AGO3: variants seen among roughly 807,000 people sequenced by gnomAD.
The protein encoded by AGO3 is argonaute RISC catalytic component 3, also known as protein argonaute-3.
A neutral mutation model predicts 105.5 loss-of-function variants in AGO3; 16 were observed. The observed-to-expected ratio is 0.15, with a 90% CI of 0.10 to 0.23. The LOEUF is 0.23. AGO3 is among the 10% of genes least tolerant of loss of function. AGO3 has a pLI of 1.00. For missense variants in AGO3, 534 were observed against 1,088.0 expected, an observed-to-expected ratio of 0.49 and a Z score of 7.16; for synonymous variants, 340 against 367.3, an observed-to-expected ratio of 0.93 and a Z score of 0.85.
At chr1:35,958,323 G>T (rs777688516) in intron 2 of AGO3, among the ~76,000 whole-genome samples, 2 of 151,686 alleles carry the variant, frequency 1.3e-5, no homozygotes, top group Non-Finnish European at 2.9e-5. Flanking sequence ...GGAGGTTGCA[G>T]TGAGCCGAGA....
At chr1:36,030,108 A>C (rs1641703627) in intron 12 of AGO3, among the ~76,000 whole-genome samples, 1 of 152,228 alleles carries the variant, frequency 6.6e-6, no homozygotes, top group Non-Finnish European at 1.5e-5. Context: ...AGTTAAATAA[A>C]AACCTTCTTT....
intron 6 of AGO3, among the ~76,000 whole-genome samples, chr1:36,007,571 C>T (rs1163697228): frequency 6.6e-6 from 1 of 150,860 alleles, no homozygotes; most frequent in South Asian, 2.1e-4. Flanking sequence ...GTGGCGGGTA[C>T]TGTAATCCCA....
Position 36,004,373 on chromosome 1 carries a change from G to T in AGO3, c.691G>T (p.Val231Leu). The T allele has an allele frequency of 1.2e-6, 2 of 1,609,458 alleles. No homozygotes were observed. The highest frequency in any genetic ancestry group is 2.2e-5 in the South Asian group (2 of 90,422). The change falls in exon 6 of 19, where the codon GTA (valine) becomes TTA (leucine). Residue 231 changes from valine (V) to leucine (L), a missense_variant. Physicochemically the swap from Val to Leu is conservative, Grantham distance 32. Around this residue, in one of 2 missense-constraint regions of AGO3, gnomAD observed 373 missense variants for 854.0 expected, o/e 0.44. Coordinates refer to ENST00000373191, the MANE Select transcript of AGO3 (RefSeq NM_024852.4). ...SATAFYKAQP[V>L]IQFMCEVLDI... ...CACTGCCTTCTACAAAGCACAACCT[G>T]TAATTCAGTTCATGTGTGAAGTTCT...
In AGO3 at chr1:36,034,250, A is replaced by T. The variant is rs1461780402; in HGVS notation, c.1668A>T (p.Thr556=). The stretch of plus-strand genomic sequence containing the variant: ...TTCAAGTCAAGAATGTAATAAAAAC[A>T]TCTCCTCAAACTCTGTCAAACTTGT... ...QCVQVKNVIK[T]SPQTLSNLCL... Residue 556 remains threonine, a synonymous_variant, in exon 13 of 19, where the codon ACA becomes ACT. Coordinates refer to ENST00000373191, the MANE Select transcript of AGO3 (RefSeq NM_024852.4). 13 of 1,611,394 alleles carry T rather than the reference A, an allele frequency of 8.1e-6. No individual in the cohort carries two copies. Among genetic ancestry groups the T allele is most frequent in the Non-Finnish European group, 1.1e-5 (13 of 1,178,770 alleles).
At chr1:35,998,279 A>C (rs1013847570) in intron 5 of AGO3, among the ~76,000 whole-genome samples, 2 of 152,188 alleles carry the variant, frequency 1.3e-5, no homozygotes, top group Non-Finnish European at 2.9e-5. Flanking sequence ...TCCAGTTTAT[A>C]ATACAAAATA....
At chr1:36,046,146 CA>C (rs993586174) in intron 17 of AGO3, among the ~76,000 whole-genome samples, 2 of 152,224 alleles carry the variant, frequency 1.3e-5, no homozygotes, top group Non-Finnish European at 2.9e-5. Context: ...CTGGAGTCCA[CA>C]TAAGTGTACC....
rs992817550 is a variant in AGO3 at position 36,070,441 on chromosome 1, C to G, written c.*14696C>G. On this transcript the variant is annotated 3_prime_UTR_variant, in exon 19 of 19. Coordinates refer to ENST00000373191, the MANE Select transcript of AGO3 (RefSeq NM_024852.4). ...TGGCAGGTCCTTACATTTCAACAGG[C>G]TTATGCATTTCCATGGGGGGAAGAG... is the stretch of plus-strand genomic sequence containing the variant. 1.3e-5 allele frequency: 2 copies of G among 152,158 alleles called. No individual in the cohort carries two copies. The highest frequency in any genetic ancestry group is 3.8e-4 in the East Asian group (2 of 5,202). 9.4% of individuals were successfully genotyped at this position (152,158 alleles called of 1,614,324 possible). A position where few individuals can be genotyped will look rare whatever the true frequency, so the allele number is the denominator to read the frequency against.
rs1571435927 is a variant in AGO3 at position 35,961,396 on chromosome 1, T to A, written c.192-5559T>A. On this transcript the variant is annotated intron_variant, in intron 2 of 18. Transcript: ENST00000373191. The stretch of plus-strand genomic sequence containing the variant: ...AGCAAAGATGAACTCAGGTACTTTA[T>A]AAGGTAGTGTAATTTACTTTTGAAT... Among the ~76,000 whole-genome samples the A allele has an allele frequency of 4.6e-5, 7 of 152,344 alleles. 1 individual carries two copies. The South Asian group carries it at 1.4e-3, about 32-fold the overall frequency.
At chr1:36,050,442 C>T (rs1014759914) in intron 17 of AGO3, among the ~76,000 whole-genome samples, 1 of 151,794 alleles carries the variant, frequency 6.6e-6, no homozygotes, top group African/African-American at 2.4e-5. Context: ...ACCAAGATCA[C>T]GCCACTGCAC....
intron 2 of AGO3, among the ~76,000 whole-genome samples, chr1:35,950,431 G>C (rs545479235): frequency 2.6e-5 from 4 of 152,254 alleles, no homozygotes; most frequent in African/African-American, 9.6e-5. Context: ...AGTCTTCTTA[G>C]ACACAATATC....
chr1:35,998,629 A>G (rs1639949380), intron 5 of AGO3, among the ~76,000 whole-genome samples: 4 of 152,140 alleles, frequency 2.6e-5, no homozygotes, highest in South Asian at 2.1e-4. Flanking sequence ...GTTTTAGTAT[A>G]TATTTCTCTT....
intron 5 of AGO3, among the ~76,000 whole-genome samples, chr1:35,986,977 C>CA (rs1489230926): frequency 6.8e-6 from 1 of 146,986 alleles, no homozygotes; most frequent in Non-Finnish European, 1.5e-5. Flanking sequence ...GCCTGGGCGA[C>CA]AGAGTAAGAC....
rs35021187 is a variant in AGO3, at chr1:36,031,481, A to ATT, written c.1592-2683_1592-2682dup. 2.9e-3 allele frequency among the ~76,000 whole-genome samples: 434 copies of ATT among 149,270 alleles called. 2 individuals carry two copies. Among genetic ancestry groups the ATT allele is most frequent in the Admixed American group, 2.4e-3 (36 of 14,980 alleles). ...TTGAGAAACTCTTTATTTCTCCTTC[A>ATT]TTTTTTTTTTTGAGCCACATAATGA... On this transcript the variant is annotated intron_variant, in intron 12 of 18. Transcript: ENST00000373191.
At chr1:35,949,000 A>G (rs183816894) in intron 2 of AGO3, among the ~76,000 whole-genome samples, 62 of 152,080 alleles carry the variant, frequency 4.1e-4, no homozygotes, top group African/African-American at 1.4e-3. Context: ...CTGGTATGCA[A>G]TGGCACGATC....
At chr1:35,996,550 C>G (rs182689238) in intron 5 of AGO3, among the ~76,000 whole-genome samples, 8 of 152,186 alleles carry the variant, frequency 5.3e-5, no homozygotes, top group Admixed American at 1.3e-4. Flanking sequence ...GCGGGCAGAT[C>G]ACCTGATGTC....
At chr1:36,042,246 G>A (rs141270554) in intron 16 of AGO3, among the ~76,000 whole-genome samples, 2,320 of 152,054 alleles carry the variant, frequency 0.015, 51 homozygotes, top group African/African-American at 0.053. Flanking sequence ...CACCACACCC[G>A]GCTAATTTTT....
intron 5 of AGO3, among the ~76,000 whole-genome samples, chr1:35,986,816 C>T (rs1647200956): frequency 6.7e-6 from 1 of 148,580 alleles, no homozygotes; most frequent in African/African-American, 2.5e-5. Flanking sequence ...GCCAACATGG[C>T]TTAACCCTGT....
At chr1:35,990,364 T>C (rs937600753) in intron 5 of AGO3, among the ~76,000 whole-genome samples, 4 of 152,080 alleles carry the variant, frequency 2.6e-5, no homozygotes, top group Non-Finnish European at 5.9e-5. Flanking sequence ...AAAAATTAGC[T>C]GGGCGTGGTG....
chr1:36,049,546 TG>T (rs1156309964), intron 17 of AGO3, among the ~76,000 whole-genome samples: 1 of 151,442 alleles, frequency 6.6e-6, no homozygotes, highest in African/African-American at 2.4e-5. Context: ...GAAAAACTAC[TG>T]GGTGCTAAGC....
Sources: allele counts gnomAD v4.1 joint callset (sites outside exome capture counted in the v4.1 genomes callset), GRCh38; gene constraint gnomAD v4.1.1; regional missense constraint gnomAD v4.1.1; transcripts MANE v1.5; gene names NCBI Gene and HGNC (gene_info 2026-07-23, HGNC 2026-07-21).